ATOSA: variants seen among roughly 807,000 people sequenced by gnomAD.
ATOSA encodes atos homolog protein A.
the ATOSA span, among the ~76,000 whole-genome samples, chr15:52,615,451 AAT>A: frequency 1.3e-5 from 2 of 152,218 alleles, no homozygotes; most frequent in Admixed American, 1.3e-4. Context: ...TACCTCAGGT[AAT>A]AGGAGGACAC....
chr15:52,629,705 G>C, the ATOSA span: 4 of 345,546 alleles, frequency 1.2e-5, no homozygotes, highest in South Asian at 8.2e-5. Flanking sequence ...GAGAGGCTGA[G>C]GCAGCAGAAT....
chr15:52,646,228 C>T, the ATOSA span, among the ~76,000 whole-genome samples: 38 of 152,126 alleles, frequency 2.5e-4, no homozygotes, highest in African/African-American at 4.3e-4. Flanking sequence ...AAAAAGTGGA[C>T]GGAAGACAGG....
At chr15:52,608,785 CT>C in the ATOSA span, 1 of 1,604,280 alleles carries the variant, frequency 6.2e-7, no homozygotes, top group Non-Finnish European at 8.5e-7. Flanking sequence ...TGTCTTAGGC[CT>C]TTTTGAGTCT....
the ATOSA span, among the ~76,000 whole-genome samples, chr15:52,633,496 C>T: frequency 6.6e-6 from 1 of 152,008 alleles, no homozygotes; most frequent in Non-Finnish European, 1.5e-5. Flanking sequence ...CACATAGAGG[C>T]CAGCAGTCTC....
the ATOSA span, among the ~76,000 whole-genome samples, chr15:52,695,649 G>T: frequency 6.6e-6 from 1 of 152,166 alleles, no homozygotes; most frequent in South Asian, 2.1e-4. Context: ...GACTGACAGG[G>T]ACAATAAATG....
At chr15:52,593,601 C>T in the ATOSA span, 1 of 1,572,908 alleles carries the variant, frequency 6.4e-7, no homozygotes, top group Non-Finnish European at 8.6e-7. Context: ...GGAGCATTGT[C>T]ATCTGAAACA....
chr15:52,675,736 G>A, the ATOSA span, among the ~76,000 whole-genome samples: 2 of 152,054 alleles, frequency 1.3e-5, no homozygotes, highest in South Asian at 2.1e-4. Context: ...GTGAAACCCT[G>A]TCTCTACTAA....
At chr15:52,621,854 C>CTT in the ATOSA span, among the ~76,000 whole-genome samples, 40 of 144,938 alleles carry the variant, frequency 2.8e-4, no homozygotes, top group East Asian at 3.0e-3. Context: ...CTTACTTTTT[C>CTT]TTTTTTTTTT....
At chr15:52,667,780 A>G in the ATOSA span, among the ~76,000 whole-genome samples, 2 of 152,228 alleles carry the variant, frequency 1.3e-5, no homozygotes, top group Non-Finnish European at 2.9e-5. Context: ...TGCAACTTAC[A>G]CAAGTGGCCA....
the ATOSA span, among the ~76,000 whole-genome samples, chr15:52,620,982 G>T: frequency 0.023 from 3,519 of 152,230 alleles, 114 homozygotes; most frequent in African/African-American, 0.073. Flanking sequence ...ACTTCATGAT[G>T]CGCAATCGAG....
chr15:52,647,319 C>A, the ATOSA span, among the ~76,000 whole-genome samples: 2 of 152,098 alleles, frequency 1.3e-5, no homozygotes, highest in African/African-American at 4.8e-5. Context: ...AAACCTCTCT[C>A]CCAAAATAAC....
chr15:52,650,593 C>A, the ATOSA span, among the ~76,000 whole-genome samples: 2 of 152,150 alleles, frequency 1.3e-5, no homozygotes, highest in South Asian at 4.1e-4. Flanking sequence ...AAAGAAATAT[C>A]TCTCCTTACC....
At chr15:52,620,612 C>T in the ATOSA span, among the ~76,000 whole-genome samples, 22 of 152,190 alleles carry the variant, frequency 1.4e-4, no homozygotes, top group African/African-American at 4.1e-4. Context: ...ATGGAAGAGG[C>T]GTGGGAACAA....
chr15:52,672,105 G>A, the ATOSA span, among the ~76,000 whole-genome samples: 1 of 148,326 alleles, frequency 6.7e-6, no homozygotes, highest in African/African-American at 2.5e-5. Context: ...GAGAGGCTGA[G>A]CCAGGAGGGC....
the ATOSA span, chr15:52,656,294 GT>G: frequency 6.6e-6 from 1 of 152,152 alleles, no homozygotes; most frequent in Non-Finnish European, 1.5e-5. Flanking sequence ...AAAACAAAAT[GT>G]GATGTTAGGT....
At chr15:52,605,618 T>A in the ATOSA span, among the ~76,000 whole-genome samples, 7 of 152,174 alleles carry the variant, frequency 4.6e-5, no homozygotes, top group Non-Finnish European at 1.0e-4. Context: ...CTACATCTTA[T>A]GTTTACACAC....
At chr15:52,605,127 G>A in the ATOSA span, 4 of 1,588,888 alleles carry the variant, frequency 2.5e-6, no homozygotes, top group Non-Finnish European at 3.4e-6. Context: ...GAAAAAAAAT[G>A]CTTACAGGGC....
chr15:52,658,502 C>T, the ATOSA span: 52 of 376,966 alleles, frequency 1.4e-4, no homozygotes, highest in African/African-American at 1.0e-3. Flanking sequence ...AACTACAGCA[C>T]CTAAGAGAGG....
chr15:52,598,752 T>C, the ATOSA span: 2 of 151,336 alleles, frequency 1.3e-5, no homozygotes, highest in Non-Finnish European at 2.9e-5. Context: ...ATGGTTTGCA[T>C]ATTGTCCCCT....
Sources: gnomAD v4.1 joint callset for allele counts (sites outside exome capture counted in the v4.1 genomes callset) on GRCh38, gnomAD v4.1.1 for gene constraint, MANE v1.5 for transcripts, NCBI Gene and HGNC (gene_info 2026-07-23, HGNC 2026-07-21) for gene names.